SLC27A2: variants seen among roughly 807,000 people sequenced by gnomAD.
SLC27A2 encodes long-chain fatty acid transport protein 2.
Under a neutral mutation model 60.0 loss-of-function variants are expected in SLC27A2, and 54 were observed. The observed-to-expected ratio is 0.90, with a 90% CI of 0.72 to 1.13. The LOEUF (loss-of-function observed/expected upper bound fraction) is 1.13, where lower values mean the gene tolerates loss of function less well. Ranked by LOEUF, SLC27A2 falls within the 50% of genes most tolerant of loss-of-function variation. The pLI is 0.00. For missense variants in SLC27A2, 739 were observed against 777.6 expected, an observed-to-expected ratio of 0.95 and a Z score of 0.59; for synonymous variants, 297 against 297.6, an observed-to-expected ratio of 1.00 and a Z score of 0.02.
intron 5 of SLC27A2, among the ~76,000 whole-genome samples, chr15:50,224,054 G>A (rs1315536293): frequency 2.0e-5 from 3 of 152,170 alleles, no homozygotes; most frequent in Non-Finnish European, 4.4e-5. Context: ...ATGCTCCTCA[G>A]GCCTCAATTT....
At chr15:50,217,013 G>T (rs188497398) in intron 4 of SLC27A2, among the ~76,000 whole-genome samples, 1 of 151,342 alleles carries the variant, frequency 6.6e-6, no homozygotes, top group Non-Finnish European at 1.5e-5. Flanking sequence ...ACCAGACATC[G>T]TATGTTCTTA....
chr15:50,227,129 G>A lies in SLC27A2; in HGVS notation c.1408G>A (p.Asp470Asn). The change falls in exon 7 of 10, where the codon GAC (aspartate) becomes AAC (asparagine). Residue 470 changes from aspartate to asparagine, a missense_variant. Physicochemically the swap from Asp to Asn is conservative, Grantham distance 23 (BLOSUM62 1). Transcript: ENST00000267842. ...YFNSGDLLMV[D>N]HENFIYFHDR... Reference sequence around the variant, plus strand: ...CAACAGTGGAGATCTCTTAATGGTTGACCATGAAAATTTCATCTATTTCCA... The same window carrying A: ...CAACAGTGGAGATCTCTTAATGGTTAACCATGAAAATTTCATCTATTTCCA... 1 of 1,613,370 alleles carries A rather than the reference G, an allele frequency of 6.2e-7. No homozygotes were observed. Among genetic ancestry groups the A allele is most frequent in the Non-Finnish European group, 8.5e-7 (1 of 1,179,796 alleles).
chr15:50,227,566 AGAG>A lies in SLC27A2; in HGVS notation c.1457+393_1457+395del, dbSNP rs527653171. On this transcript the variant is annotated intron_variant, in intron 7 of 9. Coordinates refer to ENST00000267842, the MANE Select transcript of SLC27A2 (RefSeq NM_003645.4). ...ATTAATGTGGAGCTGATCTAGTTGA[AGAG>A]GAGGTGAGGGGTTCGGAGCCCCTTC... is the stretch of plus-strand genomic sequence containing the variant. Among the ~76,000 whole-genome samples, 7 of 152,330 alleles carry A rather than the reference AGAG, an allele frequency of 4.6e-5. No homozygotes were observed. In the East Asian group the frequency reaches 5.8e-4, roughly 13 times the overall value.
rs932142505 is a variant in SLC27A2, at chr15:50,236,174, T to G, written c.*78T>G. ...CACTTGATATAATCCAACTTTAATTTGATTGAAGATTGTGAGGAAATTTTG... is the reference window on the plus strand; with the variant it reads ...CACTTGATATAATCCAACTTTAATTGGATTGAAGATTGTGAGGAAATTTTG... On this transcript the variant is annotated 3_prime_UTR_variant, in exon 10 of 10. Transcript: ENST00000267842. 7.9e-7 allele frequency: 1 copy of G among 1,268,604 alleles called. No individual in the cohort carries two copies. The highest frequency in any genetic ancestry group is 1.1e-6 in the Non-Finnish European group (1 of 936,082). 78.6% of individuals were successfully genotyped at this position (1,268,604 alleles called of 1,614,324 possible).
At chr15:50,219,857 T>G (rs1465336454) in intron 4 of SLC27A2, among the ~76,000 whole-genome samples, 3 of 152,106 alleles carry the variant, frequency 2.0e-5, no homozygotes, top group African/African-American at 7.2e-5. Flanking sequence ...TCACCTTAGC[T>G]CTAATGTGAC....
chr15:50,218,949 T>C (rs200142060), intron 4 of SLC27A2, among the ~76,000 whole-genome samples: 1 of 152,162 alleles, frequency 6.6e-6, no homozygotes, highest in Non-Finnish European at 1.5e-5. Flanking sequence ...TTAGAGGCTG[T>C]TGGAGGATAA....
chr15:50,182,740 G>C lies in SLC27A2; in HGVS notation c.313G>C (p.Asp105His), dbSNP rs2044872883. The C allele has an allele frequency of 6.2e-7, 1 of 1,613,840 alleles. No individual in the cohort carries two copies. The highest frequency in any genetic ancestry group is 8.5e-7 in the Non-Finnish European group (1 of 1,179,972). ...CGACCACCTCGGCCTGCGCCAGGGA[G>C]ACTGCGTGGCGCTCCTTATGGGTAA... ...LHDHLGLRQG[D>H]CVALLMGNEP... The change falls in exon 1 of 10, where the codon GAC (aspartate) becomes CAC (histidine). Residue 105 changes from aspartate to histidine, a missense_variant. Physicochemically the swap from Asp to His is moderately conservative, Grantham distance 81. Transcript: ENST00000267842.
At position 50,207,676 on chromosome 15, in the gene SLC27A2, A is replaced by G. The variant is rs147508154; in HGVS notation, c.972+2313A>G. ...TTGTTGGCACGTGCCTGTAATCCCA[A>G]CTACTCAGGAGGCTGAAGCAGGAGA... On this transcript the variant is annotated intron_variant, in intron 4 of 9. Transcript: ENST00000267842. 1.4e-3 allele frequency among the ~76,000 whole-genome samples: 219 copies of G among 151,804 alleles called. 3 individuals carry two copies. Among genetic ancestry groups the G allele is most frequent in the East Asian group, 8.0e-3 (41 of 5,138 alleles).
At chr15:50,204,283 G>T (rs1031496480) in intron 3 of SLC27A2, among the ~76,000 whole-genome samples, 1 of 151,828 alleles carries the variant, frequency 6.6e-6, no homozygotes, top group African/African-American at 2.4e-5. Flanking sequence ...TGGTCAACGT[G>T]GCAAAACCCC....
intron 3 of SLC27A2, among the ~76,000 whole-genome samples, chr15:50,204,883 C>G (rs2045098546): frequency 1.4e-5 from 2 of 147,466 alleles, no homozygotes; most frequent in African/African-American, 2.5e-5. Flanking sequence ...GAGACAGAGT[C>G]TCACTCTATT....
chr15:50,219,818 C>T (rs2045230338), intron 4 of SLC27A2, among the ~76,000 whole-genome samples: 1 of 152,132 alleles, frequency 6.6e-6, no homozygotes, highest in African/African-American at 2.4e-5. Flanking sequence ...TCTTGCTCCT[C>T]ATCAGTCCCC....
intron 4 of SLC27A2, among the ~76,000 whole-genome samples, chr15:50,221,120 C>T (rs1003431180): frequency 4.6e-5 from 7 of 151,778 alleles, no homozygotes; most frequent in African/African-American, 1.7e-4. Flanking sequence ...GCAGGAGGAT[C>T]GCTTGAGCCT....
rs191908250 is a variant in SLC27A2, at chr15:50,206,763, C to G, written c.972+1400C>G. 8.5e-5 allele frequency among the ~76,000 whole-genome samples: 13 copies of G among 152,306 alleles called. No homozygotes were observed. In the East Asian group the frequency reaches 2.3e-3, roughly 27 times the overall value. On this transcript the variant is annotated intron_variant, in intron 4 of 9. Transcript: ENST00000267842. ...GCACCAAGATCTGTAAATGACACATCATAGGCATCAACAGATTTTGTGGAC... is the reference window on the plus strand; with the variant it reads ...GCACCAAGATCTGTAAATGACACATGATAGGCATCAACAGATTTTGTGGAC...
In SLC27A2 at chr15:50,182,720, A is replaced by T. The variant is rs902485639; in HGVS notation, c.293A>T (p.His98Leu). The change falls in exon 1 of 10, where the codon CAC (histidine) becomes CTC (leucine). Residue 98 changes from histidine to leucine, a missense_variant. His to Leu is a moderately conservative substitution (Grantham distance 99). Coordinates refer to ENST00000267842, the MANE Select transcript of SLC27A2 (RefSeq NM_003645.4). ...CAAGTGGCCCGGGCGCTGCACGACC[A>T]CCTCGGCCTGCGCCAGGGAGACTGC... ...SNQVARALHD[H>L]LGLRQGDCVA... 1.2e-6 allele frequency: 2 copies of T among 1,613,822 alleles called. No homozygotes were observed. The highest frequency in any genetic ancestry group is 1.7e-6 in the Non-Finnish European group (2 of 1,179,918).
chr15:50,189,364 G>A (rs901415594), intron 1 of SLC27A2, among the ~76,000 whole-genome samples: 10 of 152,148 alleles, frequency 6.6e-5, no homozygotes, highest in African/African-American at 2.4e-4. Context: ...AGCAGGTGGT[G>A]AGCACAGGAT....
At chr15:50,186,170 G>C (rs543397588) in intron 1 of SLC27A2, among the ~76,000 whole-genome samples, 12 of 152,222 alleles carry the variant, frequency 7.9e-5, no homozygotes, top group African/African-American at 2.4e-5. Flanking sequence ...CTTGAGCCCG[G>C]GAGGTTGAGG....
intron 4 of SLC27A2, among the ~76,000 whole-genome samples, chr15:50,221,467 T>A (rs1382718326): frequency 6.6e-6 from 1 of 152,174 alleles, no homozygotes; most frequent in African/African-American, 2.4e-5. Flanking sequence ...ACTTAAAGAT[T>A]AAATGTTTAT....
intron 9 of SLC27A2, among the ~76,000 whole-genome samples, chr15:50,234,772 C>G (rs1013579780): frequency 1.3e-5 from 2 of 151,944 alleles, no homozygotes; most frequent in African/African-American, 4.8e-5. Context: ...AAAAATATAT[C>G]AGAAAACAGC....
rs79886617 is a variant in SLC27A2, at chr15:50,223,912, C to T, written c.1167+753C>T. ...TGAAACAGCCGCACCAGAACTCCCACGCAACCTGTGTCCCCAGGGACAGGC... is the reference window on the plus strand; with the variant it reads ...TGAAACAGCCGCACCAGAACTCCCATGCAACCTGTGTCCCCAGGGACAGGC... On this transcript the variant is annotated intron_variant, in intron 5 of 9. Coordinates refer to ENST00000267842, the MANE Select transcript of SLC27A2 (RefSeq NM_003645.4). Among the ~76,000 whole-genome samples the T allele has an allele frequency of 2.0e-3, 306 of 152,328 alleles. 1 individual carries two copies. Among genetic ancestry groups the T allele is most frequent in the African/African-American group, 7.0e-3 (291 of 41,570 alleles).
Sources: allele counts gnomAD v4.1 joint callset (sites outside exome capture counted in the v4.1 genomes callset), GRCh38; gene constraint gnomAD v4.1.1; transcripts MANE v1.5; gene names NCBI Gene and HGNC (gene_info 2026-07-23, HGNC 2026-07-21).